FERRY3: variants seen among roughly 807,000 people sequenced by gnomAD.
FERRY3 encodes the protein FERRY endosomal RAB5 effector complex subunit 3.
chr12:4,510,920 C>T, the FERRY3 span, among the ~76,000 whole-genome samples: 1 of 152,080 alleles, frequency 6.6e-6, no homozygotes, highest in Non-Finnish European at 1.5e-5. Context: ...GGACTAAATT[C>T]TCCAATTAAA....
the FERRY3 span, among the ~76,000 whole-genome samples, chr12:4,520,800 A>T: frequency 6.6e-6 from 1 of 152,174 alleles, no homozygotes; most frequent in Non-Finnish European, 1.5e-5. Flanking sequence ...TTAAAAATAA[A>T]GCCATAAAGT....
At chr12:4,515,413 C>T in the FERRY3 span, among the ~76,000 whole-genome samples, 4,607 of 152,266 alleles carry the variant, frequency 0.03, 239 homozygotes, top group African/African-American at 0.1. Context: ...TAAAAACACA[C>T]CTAAATGTAC....
the FERRY3 span, among the ~76,000 whole-genome samples, chr12:4,515,937 T>TATCA: frequency 1.3e-5 from 2 of 152,180 alleles, no homozygotes; most frequent in African/African-American, 4.8e-5. Context: ...AATCTTTAAT[T>TATCA]ATCAAATACA....
At chr12:4,534,565 G>A in the FERRY3 span, among the ~76,000 whole-genome samples, 1 of 151,968 alleles carries the variant, frequency 6.6e-6, no homozygotes, top group South Asian at 2.1e-4. Context: ...CACCATGCAT[G>A]GCTAATTTTT....
the FERRY3 span, chr12:4,491,343 G>A: frequency 1.0e-6 from 1 of 961,390 alleles, no homozygotes; most frequent in Non-Finnish European, 1.6e-6. Context: ...AACAGATTTA[G>A]GTAACTGTTT....
chr12:4,538,029 A>G, the FERRY3 span, among the ~76,000 whole-genome samples: 3 of 152,290 alleles, frequency 2.0e-5, no homozygotes, highest in Non-Finnish European at 2.9e-5. Flanking sequence ...AAATGCAAAA[A>G]TATGAATGAA....
the FERRY3 span, among the ~76,000 whole-genome samples, chr12:4,515,621 A>G: frequency 6.6e-6 from 1 of 152,066 alleles, no homozygotes; most frequent in African/African-American, 2.4e-5. Flanking sequence ...ACTCACACTG[A>G]TAGAGTAGAA....
the FERRY3 span, chr12:4,525,266 T>C: frequency 1.2e-6 from 2 of 1,613,332 alleles, no homozygotes; most frequent in African/African-American, 1.3e-5. Context: ...AAGGGAGCTG[T>C]TGTTGGGGTT....
chr12:4,536,009 G>A, the FERRY3 span: 1 of 1,523,594 alleles, frequency 6.6e-7, no homozygotes, highest in Admixed American at 2.3e-5. Context: ...AAAAAAAACA[G>A]TCCTCACCTT....
chr12:4,527,157 C>G, the FERRY3 span, among the ~76,000 whole-genome samples: 1 of 152,050 alleles, frequency 6.6e-6, no homozygotes, highest in East Asian at 1.9e-4. Flanking sequence ...CATGTTCCCT[C>G]TAGTGGATAA....
At chr12:4,527,871 A>G in the FERRY3 span, among the ~76,000 whole-genome samples, 1 of 152,158 alleles carries the variant, frequency 6.6e-6, no homozygotes, top group Non-Finnish European at 1.5e-5. Flanking sequence ...TTCAAACAAT[A>G]AAATAAGTCA....
chr12:4,503,772 C>T, the FERRY3 span, among the ~76,000 whole-genome samples: 181 of 151,944 alleles, frequency 1.2e-3, 1 homozygote, highest in African/African-American at 3.9e-3. Flanking sequence ...CAATCAGAAA[C>T]AGGACTGAGA....
chr12:4,516,607 G>A, the FERRY3 span, among the ~76,000 whole-genome samples: 1 of 152,156 alleles, frequency 6.6e-6, no homozygotes, highest in African/African-American at 2.4e-5. Context: ...AACTAATGCA[G>A]GAACAGAAGA....
At chr12:4,532,749 T>G in the FERRY3 span, among the ~76,000 whole-genome samples, 1 of 152,190 alleles carries the variant, frequency 6.6e-6, no homozygotes, top group East Asian at 1.9e-4. Flanking sequence ...AACTGCCACT[T>G]AGCTTCACTT....
At chr12:4,499,811 G>C in the FERRY3 span, among the ~76,000 whole-genome samples, 7 of 152,272 alleles carry the variant, frequency 4.6e-5, no homozygotes, top group East Asian at 1.4e-3. Flanking sequence ...GGTAAGAAGA[G>C]GGGGTAGGGG....
the FERRY3 span, among the ~76,000 whole-genome samples, chr12:4,529,599 C>G: frequency 1.3e-5 from 2 of 152,284 alleles, no homozygotes; most frequent in African/African-American, 4.8e-5. Context: ...AAACCTTCAA[C>G]AGAAGTAATC....
the FERRY3 span, among the ~76,000 whole-genome samples, chr12:4,510,084 T>A: frequency 1.2e-4 from 17 of 139,062 alleles, no homozygotes; most frequent in South Asian, 4.5e-4. Context: ...AGGCTCGAGA[T>A]CTACGTGAAG....
At chr12:4,522,007 C>T in the FERRY3 span, among the ~76,000 whole-genome samples, 1 of 152,086 alleles carries the variant, frequency 6.6e-6, no homozygotes, top group South Asian at 2.1e-4. Flanking sequence ...ATACATTTGT[C>T]CAAACTGACA....
chr12:4,505,292 AAAG>A, the FERRY3 span: 1 of 1,502,622 alleles, frequency 6.7e-7, no homozygotes, highest in Non-Finnish European at 9.2e-7. Flanking sequence ...TTTAAAATAA[AAAG>A]AAATACTTAC....
Sources: gnomAD v4.1 joint callset for allele counts (sites outside exome capture counted in the v4.1 genomes callset) on GRCh38, gnomAD v4.1.1 for gene constraint, MANE v1.5 for transcripts, NCBI Gene and HGNC (gene_info 2026-07-23, HGNC 2026-07-21) for gene names.